The following MAGI2 variants were observed in gnomAD, a reference collection of about 807,000 sequenced individuals.
MAGI2 encodes membrane associated guanylate kinase, WW and PDZ domain containing 2.
In MAGI2, 35 loss-of-function variants were observed where a neutral mutation model predicts 133.3. That is an observed-to-expected ratio of 0.26 (90% CI 0.20 to 0.35). The LOEUF (loss-of-function observed/expected upper bound fraction) is 0.35. Among genes scored for constraint, MAGI2 ranks in the 10% least tolerant of loss-of-function variants. The probability of loss-of-function intolerance (pLI) is 1.00; values close to 1 mark genes in which losing one functional copy is unlikely to be tolerated. For missense variants in MAGI2, 1,636 were observed against 1,863.4 expected (o/e 0.88, Z 2.25); for synonymous variants, 729 against 710.6 (o/e 1.03, Z -0.41).
intron 1 of MAGI2, among the ~76,000 whole-genome samples, chr7:79,360,549 C>T (rs1842316634): frequency 6.6e-6 from 1 of 151,874 alleles, no homozygotes; most frequent in Non-Finnish European, 1.5e-5. Context: ...CACTATATGA[C>T]TCTGAAGACA....
chr7:78,672,115 A>ATC (rs1426901182), intron 2 of MAGI2, among the ~76,000 whole-genome samples: 1 of 152,170 alleles, frequency 6.6e-6, no homozygotes, highest in African/African-American at 2.4e-5. Flanking sequence ...AGAAGGTGAT[A>ATC]TCCTTTGGAT....
intron 2 of MAGI2, among the ~76,000 whole-genome samples, chr7:78,707,775 C>T (rs1329941838): frequency 6.6e-6 from 1 of 151,904 alleles, no homozygotes; most frequent in Non-Finnish European, 1.5e-5. Context: ...TTTTACATAC[C>T]TAGATTTCAT....
chr7:79,229,021 T>C (rs1489196128), intron 1 of MAGI2, among the ~76,000 whole-genome samples: 1 of 152,140 alleles, frequency 6.6e-6, no homozygotes, highest in Non-Finnish European at 1.5e-5. Flanking sequence ...AAGAGTTGTA[T>C]TTACTTCTTG....
chr7:78,428,702 C>T (rs1367870963), intron 6 of MAGI2, among the ~76,000 whole-genome samples: 1 of 152,146 alleles, frequency 6.6e-6, no homozygotes, highest in Non-Finnish European at 1.5e-5. Flanking sequence ...CCTGACTTGG[C>T]CTCTCACCTT....
In MAGI2 at chr7:78,342,114, GA is replaced by G. The variant is rs1034901007; in HGVS notation, c.1408+1663del. On this transcript the variant is annotated intron_variant, in intron 9 of 21. Transcript: ENST00000354212. ...ACAAAGAACTTAAACAAATTTACAA[GA>G]AAAAAAAAACCCTATGAAAAAGTGG... Among the ~76,000 whole-genome samples the G allele has an allele frequency of 1.9e-3, 270 of 145,742 alleles. 1 individual carries two copies. Among genetic ancestry groups the G allele is most frequent in the African/African-American group, 5.8e-3 (229 of 39,784 alleles).
At chr7:78,989,028 T>G (rs1805519982) in intron 2 of MAGI2, among the ~76,000 whole-genome samples, 3 of 152,034 alleles carry the variant, frequency 2.0e-5, no homozygotes, top group Admixed American at 2.0e-4. Flanking sequence ...GCTTCGTGTA[T>G]TTTTGTTTGC....
chr7:79,165,168 GTTTGTTT>G lies in MAGI2; in HGVS notation c.302-157969_302-157963del, dbSNP rs530860702. ...AGTGGTTTTCTTAAGTGTTTTTTTTGTTTGTTTTTTGTTTTTTTTTTTTAATTCTCAG... is the reference window on the plus strand; with the variant it reads ...AGTGGTTTTCTTAAGTGTTTTTTTTGTTTGTTTTTTTTTTTTAATTCTCAG... On this transcript the variant is annotated intron_variant, in intron 1 of 21. Coordinates refer to ENST00000354212, the MANE Select transcript of MAGI2 (RefSeq NM_012301.4). 2.0e-3 allele frequency among the ~76,000 whole-genome samples: 297 copies of G among 147,718 alleles called. 1 individual carries two copies. Among genetic ancestry groups the G allele is most frequent in the African/African-American group, 6.9e-3 (274 of 39,598 alleles).
chr7:78,230,096 C>T (rs143409964), intron 10 of MAGI2, among the ~76,000 whole-genome samples: 40 of 152,312 alleles, frequency 2.6e-4, no homozygotes, highest in African/African-American at 8.2e-4. Context: ...CTTCAAGTAT[C>T]GCTCAGGGGA....
chr7:79,032,350 C>G (rs533003538), intron 1 of MAGI2, among the ~76,000 whole-genome samples: 4 of 151,994 alleles, frequency 2.6e-5, no homozygotes, highest in Non-Finnish European at 5.9e-5. Flanking sequence ...AACCCCGTCT[C>G]TACTAAAAAT....
intron 1 of MAGI2, among the ~76,000 whole-genome samples, chr7:79,285,261 AT>A (rs1835917745): frequency 6.6e-6 from 1 of 151,668 alleles, no homozygotes; most frequent in African/African-American, 2.4e-5. Context: ...TTATAATAGC[AT>A]AAACTAACAC....
chr7:78,156,649 A>G (rs1256531199), intron 16 of MAGI2, among the ~76,000 whole-genome samples: 1 of 152,132 alleles, frequency 6.6e-6, no homozygotes, highest in Non-Finnish European at 1.5e-5. Flanking sequence ...AACTTCCTCA[A>G]GGTCACATGG....
At chr7:79,204,522 T>C (rs978672481) in intron 1 of MAGI2, among the ~76,000 whole-genome samples, 4 of 152,038 alleles carry the variant, frequency 2.6e-5, no homozygotes, top group Non-Finnish European at 5.9e-5. Flanking sequence ...GTACCACTTT[T>C]TCAAGTTGTA....
chr7:79,030,486 G>C (rs1810456028), intron 1 of MAGI2: 1 of 152,188 alleles, frequency 6.6e-6, no homozygotes, highest in Non-Finnish European at 1.5e-5. Context: ...ACAGACCACA[G>C]GGACGTAGTT....
At chr7:78,611,050 A>G (rs145216038) in intron 3 of MAGI2, among the ~76,000 whole-genome samples, 497 of 152,360 alleles carry the variant, frequency 3.3e-3, no homozygotes, top group Non-Finnish European at 5.3e-3. Context: ...AATGGTTAAC[A>G]TAATACTTTC....
intron 6 of MAGI2, among the ~76,000 whole-genome samples, chr7:78,404,579 T>C (rs1010590039): frequency 1.3e-5 from 2 of 152,228 alleles, no homozygotes; most frequent in African/African-American, 4.8e-5. Context: ...AAGGATTCCC[T>C]ATTTAATAAA....
intron 6 of MAGI2, among the ~76,000 whole-genome samples, chr7:78,374,865 A>G (rs138880216): frequency 6.6e-6 from 1 of 151,752 alleles, no homozygotes; most frequent in Admixed American, 6.6e-5. Flanking sequence ...TTTGAGACAG[A>G]GTCTCGCTCT....
rs1273885990 is a variant in MAGI2, at chr7:78,019,270, G to C, written c.*45C>G. On this transcript the variant is annotated 3_prime_UTR_variant, in exon 22 of 22. Coordinates refer to ENST00000354212, the MANE Select transcript of MAGI2 (RefSeq NM_012301.4). ...AACGCCGTGAGACGGAACCTAAGAAGAACTGCCTGCGCCGGGGCGGGCGGG... is the reference window on the plus strand; with the variant it reads ...AACGCCGTGAGACGGAACCTAAGAACAACTGCCTGCGCCGGGGCGGGCGGG... 13 of 1,573,168 alleles carry C rather than the reference G, an allele frequency of 8.3e-6. No homozygotes were observed. The highest frequency in any genetic ancestry group is 2.7e-5 in the African/African-American group (2 of 73,752).
intron 1 of MAGI2, among the ~76,000 whole-genome samples, chr7:79,061,563 C>A (rs1269247940): frequency 2.6e-5 from 4 of 151,046 alleles, no homozygotes; most frequent in Non-Finnish European, 5.9e-5. Context: ...TGAGGCAATA[C>A]TGAAAAAGAA....
chr7:79,388,158 C>T (rs183787138), intron 1 of MAGI2, among the ~76,000 whole-genome samples: 1 of 151,906 alleles, frequency 6.6e-6, no homozygotes, highest in Non-Finnish European at 1.5e-5. Context: ...GTATAATTCT[C>T]TTCTATTAAG....
Sources: allele counts gnomAD v4.1 joint callset (sites outside exome capture counted in the v4.1 genomes callset), GRCh38; gene constraint gnomAD v4.1.1; transcripts MANE v1.5; gene names NCBI Gene and HGNC (gene_info 2026-07-23, HGNC 2026-07-21).